Variants in KCNAB1 observed in about 807,000 individuals in gnomAD.
The protein encoded by KCNAB1 is voltage-gated potassium channel subunit beta-1.
Under a neutral mutation model 64.6 loss-of-function variants are expected in KCNAB1, and 35 were observed. The observed-to-expected ratio is 0.54, with a 90% CI of 0.41 to 0.72. The LOEUF is 0.72. Among genes scored for constraint, KCNAB1 ranks in the 30% least tolerant of loss-of-function variants. KCNAB1 has a pLI of 0.00. For synonymous variants in KCNAB1, 177 were observed against 183.8 expected (o/e 0.96, Z 0.30); for missense variants, 401 against 512.9 (o/e 0.78, Z 2.11).
At chr3:156,180,568 A>G (rs867442219) in intron 1 of KCNAB1, among the ~76,000 whole-genome samples, 14 of 152,044 alleles carry the variant, frequency 9.2e-5, no homozygotes, top group African/African-American at 3.4e-4. Flanking sequence ...TCCATTTTCT[A>G]CTTTTTTTTT....
chr3:156,328,111 A>G (rs1723095102), intron 1 of KCNAB1, among the ~76,000 whole-genome samples: 1 of 152,204 alleles, frequency 6.6e-6, no homozygotes, highest in Non-Finnish European at 1.5e-5. Flanking sequence ...GGCAAGAACA[A>G]CATGGACAAA....
At chr3:156,258,731 A>G (rs537142687) in intron 1 of KCNAB1, among the ~76,000 whole-genome samples, 3 of 152,320 alleles carry the variant, frequency 2.0e-5, no homozygotes, top group Admixed American at 1.3e-4. Context: ...ACGTTAAATA[A>G]CTCACTCCTA....
At chr3:156,299,764 C>T (rs1008598678) in intron 1 of KCNAB1, among the ~76,000 whole-genome samples, 2 of 152,104 alleles carry the variant, frequency 1.3e-5, no homozygotes, top group Non-Finnish European at 1.5e-5. Flanking sequence ...TGAGAGCATT[C>T]ACACAGGCCA....
rs370781854 is a variant in KCNAB1 at position 156,276,157 on chromosome 3, C to T, written c.276-145459C>T. The stretch of plus-strand genomic sequence containing the variant: ...ACAACATTAATCCCCTTGTACATTT[C>T]TATCAGAGCTCTTGGGTGACCAGGT... On this transcript the variant is annotated intron_variant, in intron 1 of 13. Transcript: ENST00000490337. Among the ~76,000 whole-genome samples the T allele has an allele frequency of 5.7e-4, 87 of 152,132 alleles. 1 individual carries two copies. Among genetic ancestry groups the T allele is most frequent in the South Asian group, 2.1e-4 (1 of 4,830 alleles).
intron 1 of KCNAB1, among the ~76,000 whole-genome samples, chr3:156,245,135 G>C (rs1717376498): frequency 6.6e-6 from 1 of 152,144 alleles, no homozygotes; most frequent in South Asian, 2.1e-4. Flanking sequence ...GAGATTCTAT[G>C]GTTAAATAAG....
intron 1 of KCNAB1, among the ~76,000 whole-genome samples, chr3:156,346,306 T>G (rs965335241): frequency 1.4e-4 from 21 of 152,138 alleles, no homozygotes; most frequent in Non-Finnish European, 2.6e-4. Flanking sequence ...GTAATTTGTA[T>G]GTATGAAGTA....
chr3:156,435,890 C>T (rs1319408457), intron 2 of KCNAB1, among the ~76,000 whole-genome samples: 4 of 152,148 alleles, frequency 2.6e-5, no homozygotes, highest in Admixed American at 2.0e-4. Flanking sequence ...TTTTCTTCTG[C>T]TCCATCTAAA....
At chr3:156,478,893 A>AT (rs1714578389) in intron 8 of KCNAB1, among the ~76,000 whole-genome samples, 1 of 152,214 alleles carries the variant, frequency 6.6e-6, no homozygotes, top group East Asian at 1.9e-4. Context: ...TCTCAAAAGA[A>AT]TGGCTGTAAA....
intron 8 of KCNAB1, among the ~76,000 whole-genome samples, chr3:156,475,666 A>G (rs1300986776): frequency 1.3e-5 from 2 of 152,228 alleles, no homozygotes; most frequent in Admixed American, 6.5e-5. Context: ...TTTGATTCAC[A>G]TGAGATTACA....
chr3:156,216,680 T>C (rs1715341452), intron 1 of KCNAB1, among the ~76,000 whole-genome samples: 1 of 152,180 alleles, frequency 6.6e-6, no homozygotes, highest in South Asian at 2.1e-4. Context: ...CATTCAGTAG[T>C]CCCTACTTAG....
chr3:156,256,080 A>G (rs914098448), intron 1 of KCNAB1, among the ~76,000 whole-genome samples: 2 of 152,242 alleles, frequency 1.3e-5, no homozygotes, highest in Non-Finnish European at 2.9e-5. Context: ...GGCAGAAAAA[A>G]AGCAGCCATA....
chr3:156,449,352 A>G (rs1453159849), intron 2 of KCNAB1, among the ~76,000 whole-genome samples: 3 of 152,184 alleles, frequency 2.0e-5, no homozygotes, highest in African/African-American at 7.2e-5. Context: ...TTAAACACTT[A>G]TGCCAGGAGG....
intron 2 of KCNAB1, among the ~76,000 whole-genome samples, chr3:156,424,952 C>T (rs1050705664): frequency 6.6e-6 from 1 of 152,120 alleles, no homozygotes; most frequent in Admixed American, 6.5e-5. Context: ...TTGCTTCATT[C>T]AAAACAGTTA....
At chr3:156,145,842 G>C (rs1039530486) in intron 1 of KCNAB1, among the ~76,000 whole-genome samples, 2 of 152,076 alleles carry the variant, frequency 1.3e-5, no homozygotes, top group Admixed American at 1.3e-4. Flanking sequence ...CAGTCTAAGT[G>C]GGGGAGGGAT....
rs548845122 is a variant in KCNAB1 at position 156,256,355 on chromosome 3, G to A, written c.275+135469G>A. The stretch of plus-strand genomic sequence containing the variant: ...TTGACTGAAAGAATGGCACTATCCC[G>A]TTCAGCTATCTCTTAGGAAACGCCT... On this transcript the variant is annotated intron_variant, in intron 1 of 13. Coordinates refer to ENST00000490337, the MANE Select transcript of KCNAB1 (RefSeq NM_172160.3). Among the ~76,000 whole-genome samples, 5 of 152,208 alleles carry A rather than the reference G, an allele frequency of 3.3e-5. No individual in the cohort carries two copies. The South Asian group carries it at 6.2e-4, about 19-fold the overall frequency.
chr3:156,141,255 T>G (rs2108279501), intron 1 of KCNAB1, among the ~76,000 whole-genome samples: 1 of 152,280 alleles, frequency 6.6e-6, no homozygotes, highest in Middle Eastern at 3.4e-3. Flanking sequence ...TTTCCAATAT[T>G]ATATGCACTC....
chr3:156,427,958 G>C (rs1715932693), intron 2 of KCNAB1, among the ~76,000 whole-genome samples: 1 of 152,176 alleles, frequency 6.6e-6, no homozygotes, highest in Non-Finnish European at 1.5e-5. Flanking sequence ...CAGCTCACCT[G>C]TGTGTGCTTG....
At chr3:156,249,361 G>A (rs1176682782) in intron 1 of KCNAB1, among the ~76,000 whole-genome samples, 2 of 151,868 alleles carry the variant, frequency 1.3e-5, no homozygotes, top group African/African-American at 2.4e-5. Context: ...TCAGGAGTTC[G>A]AGATCAGCCT....
chr3:156,288,282 C>A (rs1280921249), intron 1 of KCNAB1, among the ~76,000 whole-genome samples: 1 of 152,210 alleles, frequency 6.6e-6, no homozygotes, highest in Non-Finnish European at 1.5e-5. Flanking sequence ...AAAATACAAT[C>A]ACATTCTGAG....
Sources: gnomAD v4.1 joint callset for allele counts (sites outside exome capture counted in the v4.1 genomes callset) on GRCh38, gnomAD v4.1.1 for gene constraint, MANE v1.5 for transcripts, NCBI Gene and HGNC (gene_info 2026-07-23, HGNC 2026-07-21) for gene names.